Variants in IFT172 observed in about 807,000 individuals in gnomAD.
The protein encoded by IFT172 is intraflagellar transport 172.
Under a neutral mutation model 248.9 loss-of-function variants are expected in IFT172, and 164 were observed. That is an observed-to-expected ratio of 0.66 (90% confidence interval 0.58 to 0.75). The LOEUF (loss-of-function observed/expected upper bound fraction) is 0.75. Ranked by LOEUF, IFT172 falls within the 30% of genes least tolerant of loss-of-function variation. IFT172 has a pLI of 0.00. For synonymous variants in IFT172, 729 were observed against 791.6 expected (o/e 0.92, Z 1.33); for missense variants, 1,950 against 2,192.4 (o/e 0.89, Z 2.21).
Position 27,489,248 on chromosome 2 carries a change from C to T in IFT172, c.39+367G>A, listed in dbSNP as rs578212294. 2.0e-5 allele frequency among the ~76,000 whole-genome samples: 3 copies of T among 152,354 alleles called. 1 individual carries two copies. In the South Asian group the frequency reaches 6.2e-4, roughly 32 times the overall value. On this transcript the variant is annotated intron_variant, in intron 1 of 47. Transcript: ENST00000260570. ...CGGTTCGGTCTTTGCACTCCCCCTT[C>T]AGGGCTTGCACCTAAGGCGCTTATT... is the stretch of plus-strand genomic sequence containing the variant.
At chr2:27,480,611 C>T (rs1387374268) in intron 8 of IFT172, among the ~76,000 whole-genome samples, 2 of 152,164 alleles carry the variant, frequency 1.3e-5, no homozygotes, top group African/African-American at 4.8e-5. Flanking sequence ...ATTCGCCAAA[C>T]ATCTGAGCAT....
chr2:27,444,790 G>A (rs931169377), intron 47 of IFT172, among the ~76,000 whole-genome samples: 3 of 152,130 alleles, frequency 2.0e-5, no homozygotes, highest in Non-Finnish European at 4.4e-5. Context: ...TGGGATTACA[G>A]GTGCACGCCA....
intron 30 of IFT172, chr2:27,455,165 A>G (rs1244276207): frequency 6.8e-6 from 2 of 293,300 alleles, no homozygotes; most frequent in Non-Finnish European, 1.3e-5. Context: ...AATAGTGCGC[A>G]TGAATGTCCT....
rs1364955385 is a variant in IFT172 at position 27,480,135 on chromosome 2, T to C, written c.800A>G (p.Asn267Ser). The C allele has an allele frequency of 9.3e-6, 15 of 1,613,828 alleles. No individual in the cohort carries two copies. The highest frequency in any genetic ancestry group is 3.3e-4 in the Middle Eastern group (2 of 6,082). Reference sequence around the variant, plus strand: ...CCAGATGCTTCTTCGAGGGATCCAGTTGAACACCCGAAGCCTGAAATAAAG... The same window carrying C: ...CCAGATGCTTCTTCGAGGGATCCAGCTGAACACCCGAAGCCTGAAATAAAG... ...LGSYDRLRVF[N>S]WIPRRSIWEE... The change falls in exon 9 of 48, where the codon AAC (asparagine) becomes AGC (serine). Residue 267 changes from asparagine to serine, a missense_variant. Asn to Ser is a conservative substitution (Grantham distance 46). Around this residue, in one of 3 missense-constraint regions of IFT172, gnomAD observed 1,166 missense variants for 1,254.1 expected, o/e 0.93. Transcript: ENST00000260570.
At chr2:27,482,951 C>T (rs1668488367) in intron 7 of IFT172, among the ~76,000 whole-genome samples, 2 of 151,724 alleles carry the variant, frequency 1.3e-5, no homozygotes, top group South Asian at 4.2e-4. Context: ...AGAAGTCCAA[C>T]CTCCTCTAGG....
rs148800421 is a variant in IFT172 at position 27,444,512 on chromosome 2, T to G, written c.5170A>C (p.Ser1724Arg). 3.1e-5 allele frequency: 50 copies of G among 1,613,402 alleles called. No individual in the cohort carries two copies. Among genetic ancestry groups the G allele is most frequent in the Non-Finnish European group, 4.2e-5 (50 of 1,179,722 alleles). ...TTCAGCACGTCCTGGCACACTGGGC[T>G]GTGGGAGGTCTGTGAGCAAATGGAA... Reference protein sequence around the residue: ...KFLMAIKTSHSPVCQDVLKFI... With the variant: ...KFLMAIKTSHRPVCQDVLKFI... Residue 1724 changes from serine to arginine, a missense_variant, in exon 48 of 48, where the codon AGC (serine) becomes CGC (arginine). Around this residue, in one of 3 missense-constraint regions of IFT172, gnomAD observed 620 missense variants for 699.0 expected, o/e 0.89. Transcript: ENST00000260570.
At position 27,453,993 on chromosome 2, in the gene IFT172, T is replaced by C. The variant is rs746597294; in HGVS notation, c.3700A>G (p.Asn1234Asp). 6.2e-7 allele frequency: 1 copy of C among 1,610,452 alleles called. No individual in the cohort carries two copies. Among genetic ancestry groups the C allele is most frequent in the South Asian group, 1.1e-5 (1 of 90,924 alleles). ...ATCCAGTGCCCCACCTTATAATAAT[T>C]GAGGGCCAGGCCTGGTCTCTGGGCC... ...LRAQRPGLAL[N>D]YYKEAGLWSD... Residue 1234 changes from asparagine (N) to aspartate (D), a missense_variant, in exon 33 of 48, where the codon AAT becomes GAT. This residue lies in a region of IFT172 where 620 missense variants were observed against 699.0 expected (regional missense o/e 0.89). Coordinates refer to ENST00000260570, the MANE Select transcript of IFT172 (RefSeq NM_015662.3).
chr2:27,484,547 C>T (rs531996426), intron 3 of IFT172, among the ~76,000 whole-genome samples: 1 of 152,044 alleles, frequency 6.6e-6, no homozygotes, highest in Admixed American at 6.6e-5. Flanking sequence ...GCCACAATCG[C>T]GCCACTGCAC....
intron 6 of IFT172, 81 bp downstream of exon 6, chr2:27,483,499 C>T: frequency 6.7e-7 from 1 of 1,500,832 alleles, no homozygotes; most frequent in Middle Eastern, 1.7e-4. Flanking sequence ...GCCTTTCATA[C>T]TATGGTCTTG....
chr2:27,481,347 G>A, intron 7 of IFT172, 87 bp from the exon 8 acceptor site: 1 of 961,160 alleles, frequency 1.0e-6, no homozygotes, highest in Non-Finnish European at 1.6e-6. Context: ...CATTCACTCT[G>A]ACCATCATAC....
At chr2:27,488,235 C>T (rs539900208) in intron 1 of IFT172, among the ~76,000 whole-genome samples, 1 of 152,124 alleles carries the variant, frequency 6.6e-6, no homozygotes, top group African/African-American at 2.4e-5. Flanking sequence ...CTCACTGCAA[C>T]CTCCACCTCC....
intron 11 of IFT172, 125 bp downstream of exon 11, chr2:27,477,870 C>G: frequency 8.1e-7 from 1 of 1,233,388 alleles, no homozygotes; most frequent in Admixed American, 2.1e-5. Flanking sequence ...TTCCCTGAAA[C>G]CAGGTCCCCT....
At chr2:27,449,107 G>A (rs1456637119) in intron 39 of IFT172, 76 bp from the exon 40 acceptor site, 5 of 1,097,510 alleles carry the variant, frequency 4.6e-6, no homozygotes, top group Non-Finnish European at 4.2e-6. Context: ...TTGAGGCCAT[G>A]TATTTGTTGA....
intron 4 of IFT172, 97 bp downstream of exon 4, chr2:27,484,130 C>A: frequency 6.5e-7 from 1 of 1,531,402 alleles, no homozygotes; most frequent in South Asian, 1.1e-5. Flanking sequence ...AAGTCACATT[C>A]AGATGTTAGA....
At chr2:27,481,988 T>TG (rs1668412259) in intron 7 of IFT172, among the ~76,000 whole-genome samples, 1 of 135,942 alleles carries the variant, frequency 7.4e-6, no homozygotes, top group Non-Finnish European at 1.6e-5. Flanking sequence ...ATAATTCTTC[T>TG]TTTTTTTTTT....
chr2:27,472,080 T>A lies in IFT172; in HGVS notation c.1524+170A>T, dbSNP rs1667613285. The stretch of plus-strand genomic sequence containing the variant: ...AGGTAATAAAGGATGGGTTTTGCTA[T>A]CAGTTTTGGTATCAGCTACAGAGAA... On this transcript the variant is annotated intron_variant, in intron 15 of 47. Transcript: ENST00000260570. The A allele has an allele frequency of 6.6e-6, 4 of 603,628 alleles. No homozygotes were observed. In the South Asian group the frequency reaches 8.6e-5, roughly 13 times the overall value. 37.4% of individuals were successfully genotyped at this position (603,628 alleles called of 1,614,324 possible).
At position 27,447,902 on chromosome 2, in the gene IFT172, C is replaced by T. The variant is rs1415958015; in HGVS notation, c.4449G>A (p.Arg1483=). The T allele has an allele frequency of 6.2e-7, 1 of 1,610,494 alleles. No individual in the cohort carries two copies. Among genetic ancestry groups the T allele is most frequent in the Admixed American group, 1.7e-5 (1 of 59,996 alleles). The part of the protein sequence containing the change: ...ANPQNFNIYK[R]IFTDMVSSPG... The stretch of plus-strand genomic sequence containing the variant: ...GAGAGCTCACCATGTCAGTGAAGAT[C>T]CTTTTGTAGATATTGAAGTTCTAGA... Residue 1483 remains arginine, a synonymous_variant, in exon 41 of 48, where the codon AGG becomes AGA. Coordinates refer to ENST00000260570, the MANE Select transcript of IFT172 (RefSeq NM_015662.3).
In IFT172 at chr2:27,483,667, T is replaced by G; in HGVS notation, c.403-8A>C. 6.2e-7 allele frequency: 1 copy of G among 1,613,506 alleles called. No homozygotes were observed. The highest frequency in any genetic ancestry group is 8.5e-7 in the Non-Finnish European group (1 of 1,179,682). ...GGTGTTTGCTAAACGAACCTGAAAA[T>G]GGAAAAATTGATACAAGTATGGTTA... On this transcript the variant is annotated splice_polypyrimidine_tract_variant and splice_region_variant and intron_variant, in intron 5 of 47. Coordinates refer to ENST00000260570, the MANE Select transcript of IFT172 (RefSeq NM_015662.3).
chr2:27,459,453 A>T lies in IFT172; in HGVS notation c.2712T>A (p.Asp904Glu). The change falls in exon 25 of 48, where the codon GAT becomes GAA. Residue 904 changes from aspartate to glutamate, a missense_variant. Physicochemically the swap from Asp to Glu is conservative, Grantham distance 45. Around this residue, in one of 3 missense-constraint regions of IFT172, gnomAD observed 1,166 missense variants for 1,254.1 expected, o/e 0.93. Coordinates refer to ENST00000260570, the MANE Select transcript of IFT172 (RefSeq NM_015662.3). Reference protein sequence around the residue: ...RQWKKAIYILDLQDRNTASKY... With the variant: ...RQWKKAIYILELQDRNTASKY... ...TGGATGCAGTGTTCCGGTCCTGTAG[A>T]TCTAATATATAAATTGCCTTCTTCC... 1 of 1,614,170 alleles carries T rather than the reference A, an allele frequency of 6.2e-7. No individual in the cohort carries two copies. Among genetic ancestry groups the T allele is most frequent in the Non-Finnish European group, 8.5e-7 (1 of 1,180,034 alleles).
Sources: allele counts gnomAD v4.1 joint callset (sites outside exome capture counted in the v4.1 genomes callset), GRCh38; gene constraint gnomAD v4.1.1; regional missense constraint gnomAD v4.1.1; transcripts MANE v1.5; gene names NCBI Gene and HGNC (gene_info 2026-07-23, HGNC 2026-07-21).